Variants in KAT2B observed in about 807,000 individuals in gnomAD.
The protein encoded by KAT2B is histone acetyltransferase KAT2B.
In KAT2B, 36 loss-of-function variants were observed where a neutral mutation model predicts 105.9. The ratio of observed to expected loss-of-function variants is 0.34; its 90% confidence interval spans 0.26 to 0.45. The LOEUF is 0.45. Ranked by LOEUF, KAT2B falls within the 20% of genes least tolerant of loss-of-function variation. KAT2B has a pLI of 1.00. For synonymous variants in KAT2B, 397 were observed against 377.9 expected (o/e 1.05, Z -0.59); for missense variants, 820 against 1,021.6 (o/e 0.80, Z 2.69).
chr3:20,103,746 C>G (rs574246078), intron 5 of KAT2B, among the ~76,000 whole-genome samples: 2 of 152,102 alleles, frequency 1.3e-5, no homozygotes, highest in Non-Finnish European at 2.9e-5. Context: ...TGCAAGGCAG[C>G]CTTTGAGAAT....
intron 11 of KAT2B, among the ~76,000 whole-genome samples, 195 bp downstream of exon 11, chr3:20,127,744 A>C (rs1699430941): frequency 6.6e-6 from 1 of 152,202 alleles, no homozygotes; most frequent in Admixed American, 6.5e-5. Flanking sequence ...CACGGAAGAC[A>C]ATTTTTCCAC....
chr3:20,106,962 T>C (rs1210026618), intron 5 of KAT2B, among the ~76,000 whole-genome samples: 1 of 14,890 alleles, frequency 6.7e-5, no homozygotes, highest in African/African-American at 5.6e-4. Flanking sequence ...ATTTTATGTG[T>C]ATATATATAT....
intron 1 of KAT2B, among the ~76,000 whole-genome samples, chr3:20,070,829 T>G (rs1698309233): frequency 6.6e-6 from 1 of 151,152 alleles, no homozygotes; most frequent in African/African-American, 2.4e-5. Flanking sequence ...GGCAACATGG[T>G]GAAACCCTGC....
chr3:20,113,346 C>T (rs1189074737), intron 6 of KAT2B, among the ~76,000 whole-genome samples: 2 of 152,172 alleles, frequency 1.3e-5, no homozygotes, highest in Non-Finnish European at 2.9e-5. Flanking sequence ...AAGAAGACTC[C>T]TCCCTTCCCA....
intron 12 of KAT2B, among the ~76,000 whole-genome samples, chr3:20,139,116 T>C (rs552121457): frequency 5.3e-5 from 8 of 152,012 alleles, no homozygotes; most frequent in Non-Finnish European, 1.2e-4. Flanking sequence ...AATCTTGCTA[T>C]GTTGCCTGGG....
intron 3 of KAT2B, among the ~76,000 whole-genome samples, chr3:20,099,199 T>G (rs1333558736): frequency 6.6e-6 from 1 of 152,194 alleles, no homozygotes; most frequent in African/African-American, 2.4e-5. Context: ...TGTTTTTGTT[T>G]TGTGGGCATT....
chr3:20,076,878 G>T (rs1358169102), intron 2 of KAT2B, among the ~76,000 whole-genome samples: 1 of 152,150 alleles, frequency 6.6e-6, no homozygotes, highest in Non-Finnish European at 1.5e-5. Context: ...TCTGAGCATG[G>T]TTGATTTACT....
chr3:20,099,413 G>A (rs778773213), intron 3 of KAT2B, among the ~76,000 whole-genome samples: 4 of 152,186 alleles, frequency 2.6e-5, no homozygotes, highest in Non-Finnish European at 4.4e-5. Flanking sequence ...GGTCTCTCAC[G>A]TCTTTAAATA....
intron 2 of KAT2B, among the ~76,000 whole-genome samples, chr3:20,077,965 A>G (rs1698448350): frequency 6.6e-6 from 1 of 152,194 alleles, no homozygotes; most frequent in Non-Finnish European, 1.5e-5. Flanking sequence ...GTTTGAGCCC[A>G]GGAATTCGAG....
intron 1 of KAT2B, among the ~76,000 whole-genome samples, chr3:20,060,953 A>G (rs1698089873): frequency 2.0e-5 from 3 of 152,072 alleles, no homozygotes; most frequent in African/African-American, 7.2e-5. Context: ...AACAACAACA[A>G]CAACAACAAC....
At position 20,146,332 on chromosome 3, in the gene KAT2B, T is replaced by C. The variant is rs1219150500; in HGVS notation, c.2021T>C (p.Ile674Thr). 6.2e-7 allele frequency: 1 copy of C among 1,605,978 alleles called. No individual in the cohort carries two copies. Among genetic ancestry groups the C allele is most frequent in the Non-Finnish European group, 8.5e-7 (1 of 1,172,850 alleles). ...KKQKEIIKKL[I>T]ERKQAQIRKV... Reference sequence around the variant, plus strand: ...GCTTTACAGATAATTAAAAAACTGATTGAAAGAAAACAGGCACAAATTCGA... The same window carrying C: ...GCTTTACAGATAATTAAAAAACTGACTGAAAGAAAACAGGCACAAATTCGA... The change falls in exon 14 of 18, where the codon ATT (isoleucine) becomes ACT (threonine). Residue 674 changes from isoleucine (I) to threonine (T), a missense_variant. Coordinates refer to ENST00000263754, the MANE Select transcript of KAT2B (RefSeq NM_003884.5).
At chr3:20,040,835 G>C in intron 1 of KAT2B, 55 bp downstream of exon 1, 1 of 1,513,778 alleles carries the variant, frequency 6.6e-7, no homozygotes, top group Admixed American at 2.0e-5. Flanking sequence ...CAGCCCGCGG[G>C]ACCCCCCTCC....
chr3:20,086,778 A>T (rs959808013), intron 2 of KAT2B, among the ~76,000 whole-genome samples: 2 of 140,674 alleles, frequency 1.4e-5, no homozygotes, highest in African/African-American at 5.7e-5. Flanking sequence ...CATTTGTGTT[A>T]TTTAAAAACA....
At chr3:20,051,926 T>C (rs1477166462) in intron 1 of KAT2B, among the ~76,000 whole-genome samples, 1 of 152,274 alleles carries the variant, frequency 6.6e-6, no homozygotes, top group Non-Finnish European at 1.5e-5. Context: ...CATTTAACAT[T>C]AAATTCCATG....
At chr3:20,045,296 G>A (rs1305503709) in intron 1 of KAT2B, among the ~76,000 whole-genome samples, 1 of 151,612 alleles carries the variant, frequency 6.6e-6, no homozygotes, top group Non-Finnish European at 1.5e-5. Context: ...GGGATTACAG[G>A]TGTGAGCCAC....
At chr3:20,081,714 A>C (rs1698521880) in intron 2 of KAT2B, among the ~76,000 whole-genome samples, 1 of 152,070 alleles carries the variant, frequency 6.6e-6, no homozygotes, top group African/African-American at 2.4e-5. Context: ...AGGATTCTTT[A>C]ATGATCAAAT....
chr3:20,137,057 G>C lies in KAT2B; in HGVS notation c.1860+5G>C. 7.1e-7 allele frequency: 1 copy of C among 1,400,112 alleles called. No individual in the cohort carries two copies. Among genetic ancestry groups the C allele is most frequent in the East Asian group, 2.3e-5 (1 of 43,822 alleles). The allele number at this position is 1,400,112 out of a possible 1,614,324, so 86.7% of individuals were successfully genotyped here. ...ATTGGATACTTTAAGAAACAGGTTGGTTTCTCACCACGCAACACTGTTTTG... is the reference window on the plus strand; with the variant it reads ...ATTGGATACTTTAAGAAACAGGTTGCTTTCTCACCACGCAACACTGTTTTG... On this transcript the variant is annotated splice_donor_5th_base_variant and intron_variant, in intron 12 of 17. Transcript: ENST00000263754.
chr3:20,086,367 G>A (rs947136306), intron 2 of KAT2B, among the ~76,000 whole-genome samples: 6 of 152,174 alleles, frequency 3.9e-5, no homozygotes. Context: ...GGGAATCCGA[G>A]ACGGGAGGAT....
intron 5 of KAT2B, among the ~76,000 whole-genome samples, chr3:20,106,177 A>T (rs1253455961): frequency 6.6e-6 from 1 of 152,238 alleles, no homozygotes; most frequent in East Asian, 1.9e-4. Context: ...GTTACAAATC[A>T]TCATCATGAT....
Sources: allele counts gnomAD v4.1 joint callset (sites outside exome capture counted in the v4.1 genomes callset), GRCh38; gene constraint gnomAD v4.1.1; transcripts MANE v1.5; gene names NCBI Gene and HGNC (gene_info 2026-07-23, HGNC 2026-07-21).